The following KCNH8 variants were observed in gnomAD, a reference collection of about 807,000 sequenced individuals.
The protein encoded by KCNH8 is potassium voltage-gated channel subfamily H member 8.
Under a neutral mutation model 103.6 loss-of-function variants are expected in KCNH8, and 70 were observed. That is an observed-to-expected ratio of 0.68 (90% CI 0.56 to 0.82). The LOEUF is 0.82. Among genes scored for constraint, KCNH8 ranks in the 40% least tolerant of loss-of-function variants. KCNH8 has a pLI of 0.00. For missense variants in KCNH8, 1,217 were observed against 1,329.9 expected (o/e 0.92, Z 1.32); for synonymous variants, 498 against 489.4 (o/e 1.02, Z -0.23).
At chr3:19,260,768 A>G (rs994412232) in intron 2 of KCNH8, among the ~76,000 whole-genome samples, 1 of 146,352 alleles carries the variant, frequency 6.8e-6, no homozygotes, top group Non-Finnish European at 1.5e-5. Flanking sequence ...TTTTCTCCCC[A>G]CCCCAATGTT....
intron 3 of KCNH8, among the ~76,000 whole-genome samples, chr3:19,338,596 T>A (rs1323776839): frequency 1.3e-5 from 2 of 152,110 alleles, no homozygotes; most frequent in Admixed American, 6.6e-5. Context: ...TACCATTTAG[T>A]AAGGCACGGT....
intron 7 of KCNH8, among the ~76,000 whole-genome samples, chr3:19,428,020 A>C (rs977012709): frequency 6.6e-6 from 1 of 152,240 alleles, no homozygotes; most frequent in African/African-American, 2.4e-5. Flanking sequence ...GAAGCATATT[A>C]AAAAGTGTAA....
chr3:19,375,861 T>G (rs1350348280), intron 5 of KCNH8, among the ~76,000 whole-genome samples: 9 of 152,160 alleles, frequency 5.9e-5, no homozygotes, highest in Non-Finnish European at 1.3e-4. Flanking sequence ...TGGAGTACCC[T>G]ACTGTGTGAG....
chr3:19,524,635 G>T (rs1316357815), intron 15 of KCNH8, among the ~76,000 whole-genome samples: 1 of 151,916 alleles, frequency 6.6e-6, no homozygotes, highest in African/African-American at 2.4e-5. Flanking sequence ...CCTGTGAGGG[G>T]TGGATTTAAA....
At chr3:19,413,276 C>T (rs1019594132) in intron 7 of KCNH8, among the ~76,000 whole-genome samples, 1 of 151,344 alleles carries the variant, frequency 6.6e-6, no homozygotes, top group Non-Finnish European at 1.5e-5. Flanking sequence ...TAAATTAGTG[C>T]AGGGACAGAA....
chr3:19,230,818 G>A (rs992037514), intron 1 of KCNH8, among the ~76,000 whole-genome samples: 1 of 152,202 alleles, frequency 6.6e-6, no homozygotes, highest in African/African-American at 2.4e-5. Flanking sequence ...TGGTGGGCAT[G>A]TAATTTGGCA....
intron 3 of KCNH8, among the ~76,000 whole-genome samples, chr3:19,284,679 C>G (rs1475650764): frequency 6.6e-6 from 1 of 151,908 alleles, no homozygotes; most frequent in Non-Finnish European, 1.5e-5. Context: ...GTGTACACCA[C>G]TTACTTCTAT....
intron 11 of KCNH8, among the ~76,000 whole-genome samples, chr3:19,469,281 C>A (rs917012039): frequency 6.6e-6 from 1 of 152,156 alleles, no homozygotes; most frequent in African/African-American, 2.4e-5. Flanking sequence ...AAAATACTCT[C>A]CCTCAGGAAG....
chr3:19,270,234 C>T (rs2064569310), intron 2 of KCNH8, among the ~76,000 whole-genome samples: 1 of 152,032 alleles, frequency 6.6e-6, no homozygotes. Flanking sequence ...TCTGTAAAGC[C>T]AAAAATATTT....
chr3:19,191,164 AT>A (rs2063550014), intron 1 of KCNH8, among the ~76,000 whole-genome samples: 1 of 151,792 alleles, frequency 6.6e-6, no homozygotes, highest in East Asian at 1.9e-4. Context: ...GTTCTAGTAT[AT>A]GTGTGTACTT....
chr3:19,359,224 A>C (rs2065917906), intron 5 of KCNH8, among the ~76,000 whole-genome samples: 1 of 151,952 alleles, frequency 6.6e-6, no homozygotes, highest in South Asian at 2.1e-4. Flanking sequence ...AGGTGCAAGA[A>C]TATAAATAGC....
chr3:19,317,635 G>C (rs1331076773), intron 3 of KCNH8, among the ~76,000 whole-genome samples: 3 of 151,806 alleles, frequency 2.0e-5, no homozygotes, highest in African/African-American at 7.3e-5. Flanking sequence ...GCATTAAGTA[G>C]GTAGTTGTAA....
At chr3:19,329,281 G>A (rs1255481969) in intron 3 of KCNH8, among the ~76,000 whole-genome samples, 1 of 152,088 alleles carries the variant, frequency 6.6e-6, no homozygotes, top group Non-Finnish European at 1.5e-5. Flanking sequence ...GGTAAGCCTG[G>A]ATATATATCT....
chr3:19,342,751 T>C, intron 4 of KCNH8, 37 bp downstream of exon 4: 1 of 1,555,854 alleles, frequency 6.4e-7, no homozygotes, highest in Non-Finnish European at 8.7e-7. Context: ...ATGCTAGTGT[T>C]TCCCCTGGTG....
At chr3:19,526,317 G>A (rs1279880497) in intron 15 of KCNH8, among the ~76,000 whole-genome samples, 1 of 151,852 alleles carries the variant, frequency 6.6e-6, no homozygotes, top group East Asian at 1.9e-4. Context: ...TTTTTTCTCT[G>A]CCTATCAACG....
intron 11 of KCNH8, among the ~76,000 whole-genome samples, chr3:19,496,699 G>T (rs930637611): frequency 1.3e-5 from 2 of 152,056 alleles, no homozygotes; most frequent in African/African-American, 4.8e-5. Flanking sequence ...GATGATACTG[G>T]CCTCATAAAA....
At position 19,375,855 on chromosome 3, in the gene KCNH8, G is replaced by A. The variant is rs530500382; in HGVS notation, c.812-14626G>A. Reference sequence around the variant, plus strand: ...GGCCCTCAGCTGCAGGTCTGTTGGAGTACCCTACTGTGTGAGGTGTCAGTG... The same window carrying A: ...GGCCCTCAGCTGCAGGTCTGTTGGAATACCCTACTGTGTGAGGTGTCAGTG... On this transcript the variant is annotated intron_variant, in intron 5 of 15. Coordinates refer to ENST00000328405, the MANE Select transcript of KCNH8 (RefSeq NM_144633.3). Among the ~76,000 whole-genome samples the A allele has an allele frequency of 1.5e-3, 232 of 152,236 alleles. 1 individual carries two copies. Among genetic ancestry groups the A allele is most frequent in the African/African-American group, 3.1e-3 (128 of 41,552 alleles).
chr3:19,358,346 C>A (rs1257290658), intron 5 of KCNH8, among the ~76,000 whole-genome samples: 1 of 148,172 alleles, frequency 6.7e-6, no homozygotes, highest in Admixed American at 6.8e-5. Flanking sequence ...ATTTCTTTCT[C>A]TTGGTTCATT....
rs2066423656 is a variant in KCNH8 at position 19,390,650 on chromosome 3, G to C, written c.969+12G>C. 1 of 1,605,386 alleles carries C rather than the reference G, an allele frequency of 6.2e-7. No homozygotes were observed. Among genetic ancestry groups the C allele is most frequent in the African/African-American group, 1.3e-5 (1 of 74,314 alleles). On this transcript the variant is annotated intron_variant, in intron 6 of 15. Transcript: ENST00000328405. ...TCAACGTCACAGTGGTGAGTAAAGA[G>C]CTCCCCGCCACATGGCCTTTAAGGT...
Sources: allele counts gnomAD v4.1 joint callset (sites outside exome capture counted in the v4.1 genomes callset), GRCh38; gene constraint gnomAD v4.1.1; transcripts MANE v1.5; gene names NCBI Gene and HGNC (gene_info 2026-07-23, HGNC 2026-07-21).